CD84: variants seen among roughly 807,000 people sequenced by gnomAD.
The protein encoded by CD84 is SLAM family member 5.
In CD84, 22 loss-of-function variants were observed where a neutral mutation model predicts 33.8. That is an observed-to-expected ratio of 0.65 (90% CI 0.46 to 0.93). The LOEUF (loss-of-function observed/expected upper bound fraction) is 0.93, where lower values mean the gene tolerates loss of function less well. Ranked by LOEUF, CD84 falls within the 40% of genes least tolerant of loss-of-function variation. The probability of loss-of-function intolerance (pLI) is 0.00; values close to 1 mark genes in which losing one functional copy is unlikely to be tolerated. For missense variants in CD84, 400 were observed against 397.6 expected (o/e 1.01, Z -0.05); for synonymous variants, 154 against 145.2 (o/e 1.06, Z -0.44).
chr1:160,578,548 C>T lies in CD84; in HGVS notation c.46+844G>A, dbSNP rs80291126. 4.6e-5 allele frequency among the ~76,000 whole-genome samples: 7 copies of T among 152,254 alleles called. No individual in the cohort carries two copies. In the East Asian group the frequency reaches 1.3e-3, roughly 29 times the overall value. ...GGTTCTAACTCATGCCAGAATTCTG[C>T]TAGTGCATTTTCAGAACTGGCAAGA... On this transcript the variant is annotated intron_variant, in intron 1 of 6. Coordinates refer to ENST00000368054, the MANE Select transcript of CD84 (RefSeq NM_003874.4).
chr1:160,572,047 A>G (rs1176391015), intron 1 of CD84, among the ~76,000 whole-genome samples: 1 of 152,230 alleles, frequency 6.6e-6, no homozygotes, highest in African/African-American at 2.4e-5. Context: ...TTGAGATGTT[A>G]TTAAAGACGG....
rs188046673 is a variant in CD84, at chr1:160,568,649, C to G, written c.47-2904G>C. Among the ~76,000 whole-genome samples the G allele has an allele frequency of 5.6e-4, 86 of 152,282 alleles. 1 individual carries two copies. The highest frequency in any genetic ancestry group is 5.3e-4 in the Non-Finnish European group (36 of 68,010). Reference sequence around the variant, plus strand: ...ATTTATTTTTAGACAAAGTCTCACTCTCTCACTGTCACCCACGCTGGAGTG... The same window carrying G: ...ATTTATTTTTAGACAAAGTCTCACTGTCTCACTGTCACCCACGCTGGAGTG... On this transcript the variant is annotated intron_variant, in intron 1 of 6. Transcript: ENST00000368054.
At chr1:160,578,073 C>A (rs566815774) in intron 1 of CD84, among the ~76,000 whole-genome samples, 2 of 152,220 alleles carry the variant, frequency 1.3e-5, no homozygotes, top group African/African-American at 4.8e-5. Context: ...ATTAGAAAAA[C>A]CAATGTCTAT....
At chr1:160,571,577 G>A (rs1657696392) in intron 1 of CD84, 1 of 152,268 alleles carries the variant, frequency 6.6e-6, no homozygotes, top group Admixed American at 6.5e-5. Context: ...GGAAAAACTT[G>A]ACAGTGAAAG....
rs191140730 is a variant in CD84, at chr1:160,576,394, A to G, written c.46+2998T>C. The stretch of plus-strand genomic sequence containing the variant: ...AATATTAAAGTGAACGGTATTTGAA[A>G]TATGTCTGGAGATGGTTGTTTGCTT... On this transcript the variant is annotated intron_variant, in intron 1 of 6. Coordinates refer to ENST00000368054, the MANE Select transcript of CD84 (RefSeq NM_003874.4). Among the ~76,000 whole-genome samples, 244 of 152,292 alleles carry G rather than the reference A, an allele frequency of 1.6e-3. 3 individuals carry two copies. Among genetic ancestry groups the G allele is most frequent in the East Asian group, 9.6e-4 (5 of 5,188 alleles).
At position 160,574,110 on chromosome 1, in the gene CD84, C is replaced by A. The variant is rs541910717; in HGVS notation, c.46+5282G>T. Among the ~76,000 whole-genome samples the A allele has an allele frequency of 1.4e-4, 16 of 116,382 alleles. No individual in the cohort carries two copies. The South Asian group carries it at 3.5e-3, about 26-fold the overall frequency. 76.4% of individuals were successfully genotyped at this position (116,382 alleles called of 152,430 possible). A position where few individuals can be genotyped will look rare whatever the true frequency, so the allele number is the denominator to read the frequency against. On this transcript the variant is annotated intron_variant, in intron 1 of 6. Transcript: ENST00000368054. ...TCTGTCTCAAAACAAAAAACAAAAACAAACAAAAAAAAACAAAGCTTTTTT... is the reference window on the plus strand; with the variant it reads ...TCTGTCTCAAAACAAAAAACAAAAAAAAACAAAAAAAAACAAAGCTTTTTT...
intron 1 of CD84, among the ~76,000 whole-genome samples, chr1:160,576,845 T>A (rs1343214008): frequency 6.6e-6 from 1 of 152,136 alleles, no homozygotes; most frequent in Admixed American, 6.5e-5. Flanking sequence ...GAATATGCAG[T>A]GATTGCTCCA....
In CD84 at chr1:160,554,046, A is replaced by G. The variant is rs778750615; in HGVS notation, c.489T>C (p.Asn163=). 1.2e-6 allele frequency: 2 copies of G among 1,614,188 alleles called. No homozygotes were observed. The highest frequency in any genetic ancestry group is 2.2e-5 in the South Asian group (2 of 91,092). Reference sequence around the variant, plus strand: ...CCAGGGGACTCCAATTGTATGTCACATTCTTTTCTTCTTTCTCTACAGAGC... The same window carrying G: ...CCAGGGGACTCCAATTGTATGTCACGTTCTTTTCTTCTTTCTCTACAGAGC... ...LTCSVEKEEK[N]VTYNWSPLGE... is the part of the protein sequence containing the mutation. Residue 163 remains asparagine, a synonymous_variant, in exon 3 of 7, where the codon AAT becomes AAC. Transcript: ENST00000368054.
In CD84 at chr1:160,565,816, T is replaced by C. The variant is rs942040863; in HGVS notation, c.47-71A>G. 10 of 1,354,396 alleles carry C rather than the reference T, an allele frequency of 7.4e-6. No individual in the cohort carries two copies. In the African/African-American group the frequency reaches 1.3e-4, roughly 18 times the overall value. 83.9% of individuals were successfully genotyped at this position (1,354,396 alleles called of 1,614,324 possible). On this transcript the variant is annotated intron_variant, in intron 1 of 6. Transcript: ENST00000368054. ...TTTTCACTTCCTAATCTTTTTGGCCTTGGAGCTCCCTGAGGAGCTGCCACA... is the reference window on the plus strand; with the variant it reads ...TTTTCACTTCCTAATCTTTTTGGCCCTGGAGCTCCCTGAGGAGCTGCCACA...
At position 160,547,935 on chromosome 1, in the gene CD84, A is replaced by G. The variant is rs1655929715; in HGVS notation, c.*321T>C. The G allele has an allele frequency of 2.9e-6, 1 of 348,748 alleles. No individual in the cohort carries two copies. The highest frequency in any genetic ancestry group is 5.5e-6 in the Non-Finnish European group (1 of 181,714). The allele number at this position is 348,748 out of a possible 1,614,324, so 21.6% of individuals were successfully genotyped here. On this transcript the variant is annotated 3_prime_UTR_variant, in exon 7 of 7. Transcript: ENST00000368054. Reference sequence around the variant, plus strand: ...CATATGCAGCTTCCAGAAGTGAGCAATCTTGCTTGTTTATCCCAGTGTGCC... The same window carrying G: ...CATATGCAGCTTCCAGAAGTGAGCAGTCTTGCTTGTTTATCCCAGTGTGCC...
At position 160,565,742 on chromosome 1, in the gene CD84, G is replaced by C; in HGVS notation, c.50C>G (p.Pro17Arg). 6.3e-7 allele frequency: 1 copy of C among 1,589,206 alleles called. No individual in the cohort carries two copies. Among genetic ancestry groups the C allele is most frequent in the Non-Finnish European group, 8.6e-7 (1 of 1,169,456 alleles). ...WILLLCLQTWPEAAGKDSEIF... is the reference protein window; with the variant it reads ...WILLLCLQTWREAAGKDSEIF... ...TTCTGAGTCTTTTCCAGCTGCTTCC[G>C]GCCCTGAGAACATAAAAAGAAAACT... Residue 17 changes from proline (P) to arginine (R), a missense_variant, in exon 2 of 7, where the codon CCG (proline) becomes CGG (arginine). By Grantham distance (103) the Pro-to-Arg change is moderately radical (BLOSUM62 -2). Transcript: ENST00000368054.
rs1657256386 is a variant in CD84, at chr1:160,565,411, T to G, written c.381A>C (p.Gln127His). The G allele has an allele frequency of 6.3e-7, 1 of 1,595,532 alleles. No homozygotes were observed. The highest frequency in any genetic ancestry group is 8.5e-7 in the Non-Finnish European group (1 of 1,170,374). Reference protein sequence around the residue: ...PYTTTKRYNLQIYRRLGKPKI... With the variant: ...PYTTTKRYNLHIYRRLGKPKI... ...CGTCTTCCCATGACTTACGATAGATTTGCAGGTTGTAGCGCTTGGTGGTGG... is the reference window on the plus strand; with the variant it reads ...CGTCTTCCCATGACTTACGATAGATGTGCAGGTTGTAGCGCTTGGTGGTGG... Residue 127 changes from glutamine (Q) to histidine (H), a missense_variant, in exon 2 of 7, where the codon CAA becomes CAC. By Grantham distance (24) the Gln-to-His change is conservative. Transcript: ENST00000368054.
intron 4 of CD84, chr1:160,552,800 G>T: frequency 7.8e-7 from 1 of 1,280,848 alleles, no homozygotes; most frequent in Non-Finnish European, 1.1e-6. Context: ...GTTTTTTATT[G>T]TGATTGGTGG....
rs1655938421 is a variant in CD84 at position 160,548,077 on chromosome 1, A to T, written c.*179T>A. On this transcript the variant is annotated 3_prime_UTR_variant, in exon 7 of 7. Transcript: ENST00000368054. The stretch of plus-strand genomic sequence containing the variant: ...GTCATTTCAGGAAGGGTATGCATCC[A>T]TTTGTCCATTTAGGCACAAGCTATG... 1 of 637,484 alleles carries T rather than the reference A, an allele frequency of 1.6e-6. No homozygotes were observed. Among genetic ancestry groups the T allele is most frequent in the Non-Finnish European group, 2.8e-6 (1 of 358,518 alleles). 39.5% of individuals were successfully genotyped at this position (637,484 alleles called of 1,614,324 possible).
intron 6 of CD84, among the ~76,000 whole-genome samples, chr1:160,548,581 G>C (rs1029408942): frequency 1.3e-5 from 2 of 152,082 alleles, no homozygotes; most frequent in African/African-American, 4.8e-5. Flanking sequence ...GGGGGCGGGG[G>C]CATATTTGGA....
At chr1:160,561,014 A>T (rs1656920743) in intron 2 of CD84, among the ~76,000 whole-genome samples, 1 of 152,016 alleles carries the variant, frequency 6.6e-6, no homozygotes, top group Non-Finnish European at 1.5e-5. Context: ...TAGCCTACCA[A>T]CCAAAAACAA....
rs1467596698 is a variant in CD84, at chr1:160,545,647, TGA to T, written c.*2607_*2608del. ...ATTATTTTATTTTATTTTTATTTTT[TGA>T]GACATGGTCTCACTCTGTTGCCCAG... is the stretch of plus-strand genomic sequence containing the variant. On this transcript the variant is annotated 3_prime_UTR_variant, in exon 7 of 7. Transcript: ENST00000368054. The T allele has an allele frequency of 1.3e-5, 2 of 152,250 alleles. No individual in the cohort carries two copies. Among genetic ancestry groups the T allele is most frequent in the African/African-American group, 4.8e-5 (2 of 41,456 alleles). 9.4% of individuals were successfully genotyped at this position (152,250 alleles called of 1,614,324 possible).
At chr1:160,577,577 C>G (rs918222078) in intron 1 of CD84, among the ~76,000 whole-genome samples, 3 of 152,184 alleles carry the variant, frequency 2.0e-5, no homozygotes, top group African/African-American at 7.2e-5. Flanking sequence ...CTCCCACCAC[C>G]TTTTCTCCTG....
chr1:160,574,190 A>G (rs1657865284), intron 1 of CD84, among the ~76,000 whole-genome samples: 1 of 152,128 alleles, frequency 6.6e-6, no homozygotes. Flanking sequence ...ACAAGGCAGA[A>G]AATCTCAGCA....
Sources: allele counts gnomAD v4.1 joint callset (sites outside exome capture counted in the v4.1 genomes callset), GRCh38; gene constraint gnomAD v4.1.1; transcripts MANE v1.5; gene names NCBI Gene and HGNC (gene_info 2026-07-23, HGNC 2026-07-21).